Variants in CHL1 observed in about 807,000 individuals in gnomAD.
CHL1 encodes cell adhesion molecule L1 like.
Under a neutral mutation model 141.9 loss-of-function variants are expected in CHL1, and 96 were observed. The observed-to-expected ratio is 0.68, with a 90% CI of 0.57 to 0.80. CHL1 has a LOEUF of 0.80. Among genes scored for constraint, CHL1 ranks in the 30% least tolerant of loss-of-function variants. The pLI, the probability that CHL1 is intolerant of heterozygous loss-of-function variation, is 0.00. For synonymous variants in CHL1, 613 were observed against 502.2 expected (o/e 1.22, Z -2.95); for missense variants, 1,820 against 1,457.2 (o/e 1.25, Z -4.05).
chr3:398,234 T>C lies in CHL1; in HGVS notation c.3102T>C (p.Gly1034=), dbSNP rs781627645. 1 of 1,596,300 alleles carries C rather than the reference T, an allele frequency of 6.3e-7. No homozygotes were observed. The highest frequency in any genetic ancestry group is 1.1e-5 in the South Asian group (1 of 89,232). The change falls in exon 25 of 28, where the codon GGT becomes GGC. Residue 1034 remains glycine, a synonymous_variant. Transcript: ENST00000256509. ...ESSTLGEGSK[G]IGKISGVNLT... ...ACTGTGTACATTTCTTAGGTAAAGGTATCGGGAAGATATCAGGAGTAAATC... is the reference window on the plus strand; with the variant it reads ...ACTGTGTACATTTCTTAGGTAAAGGCATCGGGAAGATATCAGGAGTAAATC...
rs73013148 is a variant in CHL1, at chr3:351,694, C to T, written c.1033+2151C>T. ...TTGTGCTTAAGTAAAATCATGGATT[C>T]GATTGGATTCTTTCTGTATGTGCAA... On this transcript the variant is annotated intron_variant, in intron 10 of 27. Transcript: ENST00000256509. Among the ~76,000 whole-genome samples the T allele has an allele frequency of 3.4e-4, 51 of 152,154 alleles. 1 individual carries two copies. Among genetic ancestry groups the T allele is most frequent in the Non-Finnish European group, 6.3e-4 (43 of 67,988 alleles).
At chr3:332,403 A>C (rs941842382) in intron 5 of CHL1, among the ~76,000 whole-genome samples, 9 of 152,170 alleles carry the variant, frequency 5.9e-5, no homozygotes, top group African/African-American at 2.2e-4. Flanking sequence ...AATGGAAGTA[A>C]AAATTGGAAA....
intron 2 of CHL1, among the ~76,000 whole-genome samples, chr3:284,816 G>A (rs892406685): frequency 2.0e-5 from 3 of 151,376 alleles, no homozygotes; most frequent in Non-Finnish European, 2.9e-5. Context: ...ACATTAATCA[G>A]ACCTTGGGAT....
chr3:389,369 A>C lies in CHL1; in HGVS notation c.2365A>C (p.Met789Leu). 6.2e-7 allele frequency: 1 copy of C among 1,614,214 alleles called. No individual in the cohort carries two copies. Among genetic ancestry groups the C allele is most frequent in the Non-Finnish European group, 8.5e-7 (1 of 1,180,036 alleles). The change falls in exon 20 of 28, where the codon ATG (methionine) becomes CTG (leucine). Residue 789 changes from methionine to leucine, a missense_variant. Physicochemically the swap from Met to Leu is conservative, Grantham distance 15 (BLOSUM62 2). Coordinates refer to ENST00000256509, the MANE Select transcript of CHL1 (RefSeq NM_006614.4). ...AGTCACAAACCACACATTGCGGGTGATGACGCCTGCTGTCTATGCCCCTTA... is the reference window on the plus strand; with the variant it reads ...AGTCACAAACCACACATTGCGGGTGCTGACGCCTGCTGTCTATGCCCCTTA... ...ETVTNHTLRV[M>L]TPAVYAPYDV...
At chr3:264,899 T>G (rs1455612286) in intron 2 of CHL1, among the ~76,000 whole-genome samples, 1 of 152,198 alleles carries the variant, frequency 6.6e-6, no homozygotes, top group Non-Finnish European at 1.5e-5. Context: ...AGAGACCACT[T>G]TGAAGTGCCT....
chr3:207,680 A>G (rs997538547), intron 1 of CHL1, among the ~76,000 whole-genome samples: 1 of 152,180 alleles, frequency 6.6e-6, no homozygotes, highest in African/African-American at 2.4e-5. Context: ...TATTTTCCAT[A>G]AAGAAGATCT....
chr3:252,247 T>C (rs906912293), intron 2 of CHL1, among the ~76,000 whole-genome samples: 1 of 150,760 alleles, frequency 6.6e-6, no homozygotes, highest in Admixed American at 6.6e-5. Context: ...CTTGACTCTA[T>C]TCATATTTCA....
chr3:363,263 A>G lies in CHL1; in HGVS notation c.1465A>G (p.Ile489Val). Residue 489 changes from isoleucine (I) to valine (V), a missense_variant, in exon 14 of 28, where the codon ATC (isoleucine) becomes GTC (valine). By Grantham distance (29) the Ile-to-Val change is conservative (BLOSUM62 3). Transcript: ENST00000256509. ...ACCCCTGGAGGGCAGGCGGTATCAT[A>G]TCTATGAAAATGGCACATTGCAGAT... ...VKPLEGRRYH[I>V]YENGTLQINR... is the part of the protein sequence containing the mutation. The G allele has an allele frequency of 6.2e-7, 1 of 1,613,722 alleles. No homozygotes were observed. The highest frequency in any genetic ancestry group is 8.5e-7 in the Non-Finnish European group (1 of 1,179,742).
At chr3:347,797 G>C (rs2117042) in intron 9 of CHL1, among the ~76,000 whole-genome samples, 36,951 of 152,168 alleles carry the variant, frequency 0.24, 5,264 homozygotes, top group East Asian at 0.4. Context: ...TCTCACAGCT[G>C]TCTGCCCAGG....
intron 2 of CHL1, among the ~76,000 whole-genome samples, chr3:301,384 A>G (rs960929908): frequency 1.3e-5 from 2 of 152,198 alleles, no homozygotes; most frequent in East Asian, 1.9e-4. Context: ...TGAAAAAGGA[A>G]ACTGTTCTGT....
intron 27 of CHL1, among the ~76,000 whole-genome samples, chr3:402,785 G>T (rs776943768): frequency 8.6e-5 from 13 of 151,642 alleles, no homozygotes; most frequent in South Asian, 2.1e-4. Context: ...CCAGAATAAA[G>T]AACAATAAAG....
At chr3:349,787 A>C (rs1246076271) in intron 10 of CHL1, among the ~76,000 whole-genome samples, 4 of 152,260 alleles carry the variant, frequency 2.6e-5, no homozygotes, top group Non-Finnish European at 5.9e-5. Context: ...CAGACAGTTT[A>C]CATGATTTAT....
Position 405,515 on chromosome 3 carries a change from TCAAAGGAAGC to T in CHL1, c.3481_3490del (p.Lys1161PhefsTer17). 1 of 1,612,712 alleles carries T rather than the reference TCAAAGGAAGC, an allele frequency of 6.2e-7. No homozygotes were observed. Among genetic ancestry groups the T allele is most frequent in the Non-Finnish European group, 8.5e-7 (1 of 1,178,970 alleles). ...TCTAGTGACAGTGATGAAAAGCCTC[TCAAAGGAAGC>T]CTTCGGTCCCTTAATAGGGATATGC... On this transcript the variant is annotated frameshift_variant, in exon 28 of 28. Coordinates refer to ENST00000256509, the MANE Select transcript of CHL1 (RefSeq NM_006614.4). LOFTEE classifies it low-confidence loss of function (END_TRUNC).
chr3:360,415 G>A lies in CHL1; in HGVS notation c.1297G>A (p.Asp433Asn), dbSNP rs754868845. The A allele has an allele frequency of 1.9e-5, 30 of 1,613,300 alleles. No homozygotes were observed. Among genetic ancestry groups the A allele is most frequent in the Non-Finnish European group, 2.5e-5 (29 of 1,179,646 alleles). Reference sequence around the variant, plus strand: ...AACTATCCTTGCCAATGCCAATATTGATGTTGTGGGTGAGTGTGCCTGGGA... The same window carrying A: ...AACTATCCTTGCCAATGCCAATATTAATGTTGTGGGTGAGTGTGCCTGGGA... ...HGTILANANI[D>N]VVDVRPLIQT... The change falls in exon 12 of 28, where the codon GAT becomes AAT. Residue 433 changes from aspartate (D) to asparagine (N), a missense_variant. Transcript: ENST00000256509.
rs115691411 is a variant in CHL1, at chr3:407,841, G to C, written c.*2130G>C. 1.3e-5 allele frequency: 2 copies of C among 152,018 alleles called. No homozygotes were observed. The highest frequency in any genetic ancestry group is 2.4e-5 in the African/African-American group (1 of 41,386). The allele number at this position is 152,018 out of a possible 1,614,324, so 9.4% of individuals were successfully genotyped here. ...GAAATATTAGCTCTTCCTACACTTC[G>C]TGTTCCCCTTTAGCTGCCTGAAAAT... On this transcript the variant is annotated 3_prime_UTR_variant, in exon 28 of 28. Coordinates refer to ENST00000256509, the MANE Select transcript of CHL1 (RefSeq NM_006614.4).
chr3:315,319 A>G (rs1700078822), intron 2 of CHL1, among the ~76,000 whole-genome samples: 1 of 152,140 alleles, frequency 6.6e-6, no homozygotes, highest in Admixed American at 6.5e-5. Flanking sequence ...CCCAGGTCAT[A>G]CTAACTTTCC....
rs770293740 is a variant in CHL1, at chr3:361,802, C to T, written c.1410C>T (p.Val470=). The T allele has an allele frequency of 5.0e-6, 8 of 1,606,294 alleles. No individual in the cohort carries two copies. Among genetic ancestry groups the T allele is most frequent in the Middle Eastern group, 1.7e-4 (1 of 6,048 alleles). The change falls in exon 13 of 28, where the codon GTC becomes GTT. Residue 470 remains valine (V), a synonymous_variant. Transcript: ENST00000256509. ...HCEFFASPEA[V]VSWQKVEEVK... is the part of the protein sequence containing the mutation. ...AGTTCTTTGCTTCACCTGAGGCAGT[C>T]GTGTCCTGGTAAGCCGGTGGCTCAT...
At chr3:233,598 T>G (rs746319569) in intron 1 of CHL1, among the ~76,000 whole-genome samples, 1 of 152,186 alleles carries the variant, frequency 6.6e-6, no homozygotes, top group Non-Finnish European at 1.5e-5. Flanking sequence ...CAAGTTGATG[T>G]TTTTCTTTCT....
At chr3:344,935 G>C (rs1439195809) in intron 9 of CHL1, among the ~76,000 whole-genome samples, 1 of 152,098 alleles carries the variant, frequency 6.6e-6, no homozygotes, top group Non-Finnish European at 1.5e-5. Context: ...GCTGCAGTGA[G>C]CTATGATAAT....
Sources: gnomAD v4.1 joint callset for allele counts (sites outside exome capture counted in the v4.1 genomes callset) on GRCh38, gnomAD v4.1.1 for gene constraint, MANE v1.5 for transcripts, NCBI Gene and HGNC (gene_info 2026-07-23, HGNC 2026-07-21) for gene names.